CD99: variants seen among roughly 807,000 people sequenced by gnomAD.
The protein encoded by CD99 is CD99 antigen.
Under a neutral mutation model 28.4 loss-of-function variants are expected in CD99, and 19 were observed. The ratio of observed to expected loss-of-function variants is 0.67; its 90% CI spans 0.47 to 0.98. CD99 has a LOEUF of 0.98. Among genes scored for constraint, CD99 ranks in the 50% least tolerant of loss-of-function variants. CD99 has a pLI of 0.00. For missense variants in CD99, 283 were observed against 248.8 expected (o/e 1.14, Z -0.92); for synonymous variants, 103 against 92.1 (o/e 1.12, Z -0.67).
intron 7 of CD99, among the ~76,000 whole-genome samples, chrX:2,724,198 T>C (rs1486348369): frequency 6.6e-6 from 1 of 152,184 alleles, no homozygotes; most frequent in Admixed American, 6.5e-5. Flanking sequence ...GTCTGGCATG[T>C]TTATCTCAGG....
At chrX:2,713,793 C>T (rs1208240513) in intron 1 of CD99, among the ~76,000 whole-genome samples, 4 of 152,152 alleles carry the variant, frequency 2.6e-5, no homozygotes. Flanking sequence ...TCCAGTTGAC[C>T]AAACAGTCCA....
chrX:2,737,795 C>T (rs187021907), intron 8 of CD99: 14 of 350,600 alleles, frequency 4.0e-5, no homozygotes, highest in Non-Finnish European at 7.8e-5. Context: ...CACGCCCAGC[C>T]GTCTGCATTT....
intron 4 of CD99, 104 bp downstream of exon 4, chrX:2,719,809 G>A: frequency 8.0e-7 from 1 of 1,245,754 alleles, no homozygotes; most frequent in South Asian, 1.2e-5. Flanking sequence ...AAGGGAACCA[G>A]TTTTCACAGT....
intron 8 of CD99, among the ~76,000 whole-genome samples, chrX:2,734,718 T>C (rs1361563052): frequency 6.6e-6 from 1 of 151,744 alleles, no homozygotes; most frequent in Non-Finnish European, 1.5e-5. Flanking sequence ...TTTTTACTTT[T>C]ATTTCTTCTC....
chrX:2,727,786 T>C (rs1353146796), intron 8 of CD99, among the ~76,000 whole-genome samples: 1 of 152,178 alleles, frequency 6.6e-6, no homozygotes. Context: ...CAACAGCTAC[T>C]GTTTTATGGA....
chrX:2,714,442 G>A lies in CD99; in HGVS notation c.88G>A (p.Asp30Asn), dbSNP rs2048589167. ...CTTAGATGGTGGTTTCGATTTATCCGATGCCCTTCCTGGTGAGTATCAACA... is the reference window on the plus strand; with the variant it reads ...CTTAGATGGTGGTTTCGATTTATCCAATGCCCTTCCTGGTGAGTATCAACA... ...AAPDGGFDLS[D>N]ALPDNENKKP... The change falls in exon 2 of 10, where the codon GAT becomes AAT. Residue 30 changes from aspartate to asparagine, a missense_variant. Coordinates refer to ENST00000381192, the MANE Select transcript of CD99 (RefSeq NM_002414.5). 3 of 1,599,494 alleles carry A rather than the reference G, an allele frequency of 1.9e-6. No individual in the cohort carries two copies. Among genetic ancestry groups the A allele is most frequent in the Non-Finnish European group, 2.6e-6 (3 of 1,168,506 alleles).
intron 8 of CD99, among the ~76,000 whole-genome samples, chrX:2,730,326 C>T (rs1011857435): frequency 6.0e-5 from 9 of 150,694 alleles, no homozygotes; most frequent in African/African-American, 2.2e-4. Flanking sequence ...GCGCGTGCCA[C>T]CACGTCCAGC....
chrX:2,710,531 C>A (rs2048347928), intron 1 of CD99, among the ~76,000 whole-genome samples: 1 of 147,770 alleles, frequency 6.8e-6, no homozygotes, highest in Non-Finnish European at 1.5e-5. Context: ...TTTGTCATTG[C>A]TGCTGCTTTT....
chrX:2,736,811 C>G (rs773241686), intron 8 of CD99, among the ~76,000 whole-genome samples: 7 of 151,708 alleles, frequency 4.6e-5, no homozygotes, highest in Non-Finnish European at 8.8e-5. Flanking sequence ...GAGCTGATAT[C>G]GCGCCACTGC....
At chrX:2,721,235 C>T (rs780787593) in intron 5 of CD99, among the ~76,000 whole-genome samples, 1 of 151,752 alleles carries the variant, frequency 6.6e-6, no homozygotes, top group African/African-American at 2.4e-5. Flanking sequence ...TAATGATGTC[C>T]ATATCTTGTT....
At chrX:2,691,527 C>A in intron 1 of CD99, 100 bp downstream of exon 1, 3 of 1,303,662 alleles carry the variant, frequency 2.3e-6, no homozygotes, top group Non-Finnish European at 2.1e-6. Context: ...CGCGGGGACA[C>A]CCGGAGCCTC....
chrX:2,733,514 C>G, intron 8 of CD99: 2 of 856,978 alleles, frequency 2.3e-6, no homozygotes, highest in Non-Finnish European at 3.7e-6. Flanking sequence ...ATGGGATTCT[C>G]AATCACATGG....
chrX:2,729,834 C>A (rs2049498131), intron 8 of CD99, among the ~76,000 whole-genome samples: 1 of 152,078 alleles, frequency 6.6e-6, no homozygotes, highest in African/African-American at 2.4e-5. Context: ...TGGGTAGAAA[C>A]AATTTTCCTA....
At chrX:2,714,396 A>G in intron 1 of CD99, 26 bp from the exon 2 acceptor site, 1 of 1,538,952 alleles carries the variant, frequency 6.5e-7, no homozygotes, top group Non-Finnish European at 8.9e-7. Flanking sequence ...TCTTGTTTCT[A>G]AGTTGACTCT....
At chrX:2,703,598 G>A (rs765378288) in intron 1 of CD99, among the ~76,000 whole-genome samples, 1 of 145,034 alleles carries the variant, frequency 6.9e-6, no homozygotes, top group South Asian at 2.3e-4. Flanking sequence ...AACAAACCGA[G>A]CTGTTAAGTG....
At chrX:2,727,573 T>C (rs2049360069) in intron 8 of CD99, among the ~76,000 whole-genome samples, 1 of 151,998 alleles carries the variant, frequency 6.6e-6, no homozygotes, top group Non-Finnish European at 1.5e-5. Flanking sequence ...ACCCCACAGG[T>C]TCAAGTGATT....
chrX:2,725,279 T>G (rs1431431835), intron 7 of CD99, among the ~76,000 whole-genome samples: 1 of 151,846 alleles, frequency 6.6e-6, no homozygotes, highest in Non-Finnish European at 1.5e-5. Context: ...ACACCTGTAG[T>G]CCCAGCTACT....
chrX:2,729,255 T>C (rs1420105267), intron 8 of CD99, among the ~76,000 whole-genome samples: 1 of 152,226 alleles, frequency 6.6e-6, no homozygotes, highest in Non-Finnish European at 1.5e-5. Flanking sequence ...TTGCAAAGGA[T>C]GTTTATTACC....
In CD99 at chrX:2,719,840, T is replaced by C. The variant is rs745349099; in HGVS notation, c.193+135T>C. 1.1e-5 allele frequency: 10 copies of C among 905,236 alleles called. No individual in the cohort carries two copies. In the African/African-American group the frequency reaches 1.6e-4, roughly 15 times the overall value. The allele number at this position is 905,236 out of a possible 1,614,324, so 56.1% of individuals were successfully genotyped here. On this transcript the variant is annotated intron_variant, in intron 4 of 9. Coordinates refer to ENST00000381192, the MANE Select transcript of CD99 (RefSeq NM_002414.5). ...ACAGTGGAAACCTAGGGAATAGGTG[T>C]GTCGGTTTGTTCTTGCTGTTGTCGT...
Sources: gnomAD v4.1 joint callset for allele counts (sites outside exome capture counted in the v4.1 genomes callset) on GRCh38, gnomAD v4.1.1 for gene constraint, MANE v1.5 for transcripts, NCBI Gene and HGNC (gene_info 2026-07-23, HGNC 2026-07-21) for gene names.